The following FAAH2 variants were observed in gnomAD, a reference collection of about 807,000 sequenced individuals.
The protein encoded by FAAH2 is fatty-acid amide hydrolase 2.
FAAH2 carries 60 observed loss-of-function variants against 36.9 expected under a neutral mutation model. The observed-to-expected ratio is 1.63, with a 90% CI of 1.32 to 2.02. FAAH2 has a LOEUF of 2.02. FAAH2 is among the 30% of genes most tolerant of loss of function. The pLI, the probability that FAAH2 is intolerant of heterozygous loss-of-function variation, is 0.00. For synonymous variants in FAAH2, 214 were observed against 143.8 expected (o/e 1.49, Z -3.49); for missense variants, 689 against 397.5 (o/e 1.73, Z -6.23).
rs1269841154 is a variant in FAAH2, at chrX:57,333,592, C to T, written c.622+1785C>T. On this transcript the variant is annotated intron_variant, in intron 4 of 10. Transcript: ENST00000374900. ...GAACTTCAAGAATCAAAAGCAAATGCTAGAAATAAAAAAAAAATATAACAG... is the reference window on the plus strand; with the variant it reads ...GAACTTCAAGAATCAAAAGCAAATGTTAGAAATAAAAAAAAAATATAACAG... Among the ~76,000 whole-genome samples the T allele has an allele frequency of 2.2e-4, 6 of 27,435 alleles. No homozygotes were observed. In the East Asian group the frequency reaches 7.1e-3, roughly 32 times the overall value. The allele number at this position is 27,435 out of a possible 115,157, so 23.8% of individuals were successfully genotyped here. A position where few individuals can be genotyped will look rare whatever the true frequency, so the allele number is the denominator to read the frequency against.
chrX:57,187,721 T>C, the FAAH2 span, among the ~76,000 whole-genome samples: 1 of 111,442 alleles, frequency 9.0e-6, no homozygotes, highest in Admixed American at 9.5e-5. Context: ...ATAGCCCTTA[T>C]TATTTTGAGA....
the FAAH2 span, among the ~76,000 whole-genome samples, chrX:57,175,787 T>A: frequency 9.0e-6 from 1 of 111,588 alleles, no homozygotes; most frequent in African/African-American, 3.2e-5. Flanking sequence ...ACCTCAGCAA[T>A]TTGCTTGTCT....
At chrX:57,150,436 G>A in the FAAH2 span, among the ~76,000 whole-genome samples, 1 of 112,066 alleles carries the variant, frequency 8.9e-6, no homozygotes, top group Non-Finnish European at 1.9e-5. Context: ...TTATGAATCT[G>A]GGTGCTCCTG....
intron 2 of FAAH2, among the ~76,000 whole-genome samples, chrX:57,308,058 G>C (rs1179795225): frequency 8.9e-6 from 1 of 111,847 alleles, no homozygotes; most frequent in African/African-American, 3.2e-5. Flanking sequence ...TGGGCATCTA[G>C]ATTGATTCCA....
intron 7 of FAAH2, among the ~76,000 whole-genome samples, chrX:57,413,722 T>G (rs1446623110): frequency 8.9e-6 from 1 of 112,017 alleles, no homozygotes. Context: ...ATATAAAATT[T>G]AAAATATTTT....
At chrX:57,240,535 G>A in the FAAH2 span, among the ~76,000 whole-genome samples, 1 of 111,660 alleles carries the variant, frequency 9.0e-6, no homozygotes, top group Non-Finnish European at 1.9e-5. Context: ...GTGTGCAAGT[G>A]TGTATCCAAG....
chrX:57,331,867 G>T, intron 4 of FAAH2, 60 bp downstream of exon 4: 4 of 1,065,227 alleles, frequency 3.8e-6, no homozygotes, highest in East Asian at 3.0e-5. Flanking sequence ...ATTATGAATT[G>T]TATTAATAAA....
intron 10 of FAAH2, among the ~76,000 whole-genome samples, chrX:57,467,952 T>C (rs2057082187): frequency 8.9e-6 from 1 of 111,957 alleles, no homozygotes; most frequent in Non-Finnish European, 1.9e-5. Flanking sequence ...ATATTCGTTG[T>C]TCCACAGCTT....
the FAAH2 span, among the ~76,000 whole-genome samples, chrX:57,254,842 C>A: frequency 9.0e-6 from 1 of 111,078 alleles, no homozygotes; most frequent in Non-Finnish European, 1.9e-5. Context: ...AAAATTGACA[C>A]CCTAACATCA....
chrX:57,182,557 C>A, the FAAH2 span, among the ~76,000 whole-genome samples: 31 of 110,522 alleles, frequency 2.8e-4, no homozygotes, highest in African/African-American at 1.0e-3. Context: ...AAGATGCTGG[C>A]GAGTTTGTGG....
chrX:57,398,149 G>C (rs966316886), intron 7 of FAAH2, among the ~76,000 whole-genome samples: 2 of 111,537 alleles, frequency 1.8e-5, no homozygotes, highest in East Asian at 5.6e-4. Flanking sequence ...CCCATTACTG[G>C]GTATATACCC....
chrX:57,488,847 G>A lies in FAAH2; in HGVS notation c.1514G>A (p.Gly505Glu), dbSNP rs867237317. The stretch of plus-strand genomic sequence containing the variant: ...CCTTTAGGCATCCAGGTTGTGGCTG[G>A]ACCCTTTAATGATCATCTGACCCTG... ...GLPLGIQVVA[G>E]PFNDHLTLAV... The change falls in exon 11 of 11, where the codon GGA (glycine) becomes GAA (glutamate). Residue 505 changes from glycine (G) to glutamate (E), a missense_variant. Gly to Glu is a moderately conservative substitution (Grantham distance 98). Transcript: ENST00000374900. 16 of 1,209,243 alleles carry A rather than the reference G, an allele frequency of 1.3e-5. No homozygotes were observed. Among genetic ancestry groups the A allele is most frequent in the Admixed American group, 2.2e-5 (1 of 45,581 alleles).
At chrX:57,300,303 C>T (rs1482075388) in intron 2 of FAAH2, among the ~76,000 whole-genome samples, 3 of 111,272 alleles carry the variant, frequency 2.7e-5, no homozygotes, top group Admixed American at 1.9e-4. Flanking sequence ...AACAATGCCG[C>T]ATATCTACAA....
intron 3 of FAAH2, among the ~76,000 whole-genome samples, chrX:57,325,415 T>G (rs1266218114): frequency 8.9e-6 from 1 of 111,791 alleles, no homozygotes; most frequent in African/African-American, 3.3e-5. Flanking sequence ...GAAGGAGTGG[T>G]ACCAGCTCCT....
At chrX:57,177,350 G>A in the FAAH2 span, among the ~76,000 whole-genome samples, 4 of 107,223 alleles carry the variant, frequency 3.7e-5, no homozygotes, top group Non-Finnish European at 5.8e-5. Context: ...GATGTTCCAA[G>A]TAGAGAAAGA....
chrX:57,245,956 C>T, the FAAH2 span, among the ~76,000 whole-genome samples: 1 of 109,728 alleles, frequency 9.1e-6, no homozygotes, highest in Non-Finnish European at 1.9e-5. Context: ...TTTTAAAGAT[C>T]AACAAAATAG....
At chrX:57,411,276 G>C (rs2055693890) in intron 7 of FAAH2, among the ~76,000 whole-genome samples, 1 of 111,985 alleles carries the variant, frequency 8.9e-6, no homozygotes. Flanking sequence ...AGTGTGTCCT[G>C]AGTTGTTCAA....
chrX:57,180,426 A>G, the FAAH2 span, among the ~76,000 whole-genome samples: 1 of 111,862 alleles, frequency 8.9e-6, no homozygotes, highest in Non-Finnish European at 1.9e-5. Context: ...CTAAAGAAGT[A>G]TTACCAATAA....
intron 5 of FAAH2, among the ~76,000 whole-genome samples, chrX:57,377,195 G>C (rs1051491709): frequency 2.7e-5 from 3 of 111,905 alleles, no homozygotes; most frequent in African/African-American, 9.8e-5. Flanking sequence ...CATTGCTTTT[G>C]GTGTTTTAGT....
Sources: allele counts gnomAD v4.1 joint callset (sites outside exome capture counted in the v4.1 genomes callset), GRCh38; gene constraint gnomAD v4.1.1; transcripts MANE v1.5; gene names NCBI Gene and HGNC (gene_info 2026-07-23, HGNC 2026-07-21).